Variants in KIAA1549 observed in about 807,000 individuals in gnomAD.
The protein encoded by KIAA1549 is KIAA1549.
Under a neutral mutation model 156.4 loss-of-function variants are expected in KIAA1549, and 70 were observed. The ratio of observed to expected loss-of-function variants is 0.45; its 90% CI spans 0.37 to 0.55. The LOEUF (loss-of-function observed/expected upper bound fraction) is 0.55, where lower values mean the gene tolerates loss of function less well. Among genes scored for constraint, KIAA1549 ranks in the 20% least tolerant of loss-of-function variants. The pLI is 0.00. For missense variants in KIAA1549, 2,428 were observed against 2,540.9 expected (o/e 0.96, Z 0.96); for synonymous variants, 1,103 against 1,066.4 (o/e 1.03, Z -0.67).
rs372555864 is a variant in KIAA1549, at chr7:138,912,479, C to A, written c.2879-19G>T. On this transcript the variant is annotated intron_variant, in intron 2 of 19. Coordinates refer to ENST00000422774, the MANE Select transcript of KIAA1549 (RefSeq NM_001164665.2). ...GCCAGCACTGCAAATGAAAGCAAAC[C>A]ACCAAATGCCTTTTCATGTCATTAT... is the stretch of plus-strand genomic sequence containing the variant. 1.1e-3 allele frequency: 1,673 copies of A among 1,590,426 alleles called. 4 individuals carry two copies. The highest frequency in any genetic ancestry group is 2.1e-3 in the South Asian group (192 of 90,558).
chr7:138,862,855 A>C (rs984572598), intron 15 of KIAA1549, among the ~76,000 whole-genome samples: 1 of 152,186 alleles, frequency 6.6e-6, no homozygotes, highest in Non-Finnish European at 1.5e-5. Flanking sequence ...GCTTGAACCC[A>C]GGAGGCAGAG....
Position 138,869,748 on chromosome 7 carries a change from A to G in KIAA1549, c.4565T>C (p.Leu1522Pro). The G allele has an allele frequency of 6.2e-7, 1 of 1,610,122 alleles. No individual in the cohort carries two copies. The highest frequency in any genetic ancestry group is 8.5e-7 in the Non-Finnish European group (1 of 1,179,422). ...NKINKEIQTA[L>P]RHKSEIEHHR... ...GTGCTCGATCTCAGACTTGTGCCGCAGCGCGGTCTGAATCTGAGGAAGGGT... is the reference window on the plus strand; with the variant it reads ...GTGCTCGATCTCAGACTTGTGCCGCGGCGCGGTCTGAATCTGAGGAAGGGT... The change falls in exon 14 of 20, where the codon CTG becomes CCG. Residue 1522 changes from leucine (L) to proline (P), a missense_variant. By Grantham distance (98) the Leu-to-Pro change is moderately conservative. Coordinates refer to ENST00000422774, the MANE Select transcript of KIAA1549 (RefSeq NM_001164665.2).
intron 6 of KIAA1549, among the ~76,000 whole-genome samples, chr7:138,905,743 C>T (rs78879507): frequency 6.6e-6 from 1 of 151,970 alleles, no homozygotes; most frequent in Non-Finnish European, 1.5e-5. Context: ...CCCTTTCCCC[C>T]ACTGCCTCCA....
intron 1 of KIAA1549, among the ~76,000 whole-genome samples, chr7:138,928,407 C>G (rs1384647128): frequency 6.6e-6 from 1 of 152,126 alleles, no homozygotes; most frequent in African/African-American, 2.4e-5. Flanking sequence ...CTGCCTCAGC[C>G]TCCCGAGTAG....
Position 138,917,546 on chromosome 7 carries a change from A to T in KIAA1549, c.2080T>A (p.Ser694Thr), listed in dbSNP as rs771829631. The part of the protein sequence containing the change: ...SLPSSTNLEF[S>T]QLQPSSELPL... ...AGCTCGGAACTTGGCTGGAGCTGCG[A>T]AAACTCAAGATTTGTGGAACTGGGA... is the stretch of plus-strand genomic sequence containing the variant. The change falls in exon 2 of 20, where the codon TCG becomes ACG. Residue 694 changes from serine to threonine, a missense_variant. Coordinates refer to ENST00000422774, the MANE Select transcript of KIAA1549 (RefSeq NM_001164665.2). 2 of 1,613,900 alleles carry T rather than the reference A, an allele frequency of 1.2e-6. No individual in the cohort carries two copies. The highest frequency in any genetic ancestry group is 1.7e-6 in the Non-Finnish European group (2 of 1,179,882).
At chr7:138,883,023 G>A (rs984052494) in intron 10 of KIAA1549, among the ~76,000 whole-genome samples, 2 of 147,770 alleles carry the variant, frequency 1.4e-5, no homozygotes, top group Non-Finnish European at 3.0e-5. Context: ...AGGCTGAATC[G>A]GGCAGATCAC....
intron 17 of KIAA1549, among the ~76,000 whole-genome samples, chr7:138,851,864 G>A (rs4728453): frequency 0.42 from 64,556 of 152,138 alleles, 15,984 homozygotes; most frequent in East Asian, 0.79. Context: ...TCTGGAATCC[G>A]CAGGTGTCCC....
intron 9 of KIAA1549, among the ~76,000 whole-genome samples, chr7:138,895,545 A>G (rs985637020): frequency 6.6e-6 from 1 of 152,122 alleles, no homozygotes; most frequent in Non-Finnish European, 1.5e-5. Context: ...AAAATGTATG[A>G]TTCTACCTAC....
At chr7:138,943,170 A>T (rs974655207) in intron 1 of KIAA1549, among the ~76,000 whole-genome samples, 1 of 152,196 alleles carries the variant, frequency 6.6e-6, no homozygotes, top group African/African-American at 2.4e-5. Flanking sequence ...CAGTGGCAAC[A>T]ATGACTCCAG....
chr7:138,898,968 A>G lies in KIAA1549; in HGVS notation c.3834T>C (p.Gly1278=), dbSNP rs185026022. Residue 1278 remains glycine (G), a synonymous_variant, in exon 9 of 20, where the codon GGT becomes GGC. Transcript: ENST00000422774. ...TCAGGCACTTACGCTGGGCAATGAC[A>G]CCTTGAATTCGGTAACCCAAGATGA... ...AAIILGYRIQ[G]VIAQPVDRVK... The G allele has an allele frequency of 1.2e-4, 192 of 1,613,772 alleles. No homozygotes were observed. Among genetic ancestry groups the G allele is most frequent in the South Asian group, 9.9e-4 (90 of 91,070 alleles).
intron 1 of KIAA1549, among the ~76,000 whole-genome samples, chr7:138,939,992 T>A (rs114824526): frequency 0.094 from 14,142 of 150,766 alleles, 923 homozygotes; most frequent in African/African-American, 0.18. Flanking sequence ...ACAAAAAAAA[T>A]TTTTTTTTTA....
chr7:138,962,598 A>ACG (rs1813887326), intron 1 of KIAA1549, among the ~76,000 whole-genome samples: 1 of 152,258 alleles, frequency 6.6e-6, no homozygotes, highest in South Asian at 2.1e-4. Flanking sequence ...GAGGGAGGGA[A>ACG]TGTGGTGGGA....
intron 3 of KIAA1549, 88 bp from the exon 4 acceptor site, chr7:138,911,411 G>T: frequency 9.7e-7 from 1 of 1,032,718 alleles, no homozygotes; most frequent in Non-Finnish European, 1.4e-6. Context: ...TAAAAAAACT[G>T]GTAGTTTTGA....
chr7:138,840,286 G>C lies in KIAA1549; in HGVS notation c.5453-8C>G. On this transcript the variant is annotated splice_region_variant and splice_polypyrimidine_tract_variant and intron_variant, in intron 18 of 19. Transcript: ENST00000422774. ...GGTGCTGGATCTGGGAGCCTGGAAG[G>C]AACATGGTGGAGTGGCCTGGTCAAC... The C allele has an allele frequency of 1.3e-6, 2 of 1,599,664 alleles. No individual in the cohort carries two copies. Among genetic ancestry groups the C allele is most frequent in the Non-Finnish European group, 1.7e-6 (2 of 1,173,340 alleles).
At chr7:138,956,829 G>A (rs1452788491) in intron 1 of KIAA1549, among the ~76,000 whole-genome samples, 2 of 152,062 alleles carry the variant, frequency 1.3e-5, no homozygotes, top group African/African-American at 2.4e-5. Context: ...TTAACTCATA[G>A]AAGCATTCCT....
intron 6 of KIAA1549, 61 bp from the exon 7 acceptor site, chr7:138,905,142 C>A (rs1811971603): frequency 2.0e-5 from 22 of 1,124,286 alleles, no homozygotes; most frequent in Non-Finnish European, 2.8e-5. Context: ...GCCATGTTTA[C>A]AACAAAGTCC....
At position 138,917,348 on chromosome 7, in the gene KIAA1549, T is replaced by C. The variant is rs1455013198; in HGVS notation, c.2278A>G (p.Ile760Val). The C allele has an allele frequency of 2.5e-6, 4 of 1,613,758 alleles. No individual in the cohort carries two copies. Residue 760 changes from isoleucine (I) to valine (V), a missense_variant, in exon 2 of 20, where the codon ATT (isoleucine) becomes GTT (valine). By Grantham distance (29) the Ile-to-Val change is conservative. This residue lies in a region of KIAA1549 where 762 missense variants were observed against 901.6 expected (regional missense o/e 0.85). Coordinates refer to ENST00000422774, the MANE Select transcript of KIAA1549 (RefSeq NM_001164665.2). Reference protein sequence around the residue: ...ETTSYLESSLISHESAVTALV... With the variant: ...ETTSYLESSLVSHESAVTALV... ...GCAGTGACTGCGGATTCATGGGAAATGAGTGAAGACTCAAGATAGGAGGTA... is the reference window on the plus strand; with the variant it reads ...GCAGTGACTGCGGATTCATGGGAAACGAGTGAAGACTCAAGATAGGAGGTA...
intron 1 of KIAA1549, among the ~76,000 whole-genome samples, chr7:138,920,036 C>A (rs1812514347): frequency 6.6e-6 from 1 of 152,094 alleles, no homozygotes. Flanking sequence ...AGGCTTCCTG[C>A]AGCCTCAGCT....
In KIAA1549 at chr7:138,918,807, T is replaced by C. The variant is rs144704761; in HGVS notation, c.819A>G (p.Leu273=). ...AAAGGGTGGTTTCCACACCCTCTGT[T>C]AGGGAAGCCACAATCTCTGGCAGAG... ...SRTLPEIVAS[L]TEGVETTLFL... is the part of the protein sequence containing the mutation. The change falls in exon 2 of 20, where the codon CTA becomes CTG. Residue 273 remains leucine, a synonymous_variant. Transcript: ENST00000422774. The surrounding 1 kb of genome is among the most constrained non-coding windows in gnomAD (Gnocchi z 4.2). 1.7e-4 allele frequency: 272 copies of C among 1,613,954 alleles called. 1 individual carries two copies. The African/African-American group carries it at 3.0e-3, about 18-fold the overall frequency.
Sources: gnomAD v4.1 joint callset for allele counts (sites outside exome capture counted in the v4.1 genomes callset) on GRCh38, gnomAD v4.1.1 for gene constraint, gnomAD v4.1.1 regional missense constraint, Gnocchi (gnomAD v3.1) non-coding constraint, MANE v1.5 for transcripts, NCBI Gene and HGNC (gene_info 2026-07-23, HGNC 2026-07-21) for gene names.